HHLA1: variants seen among roughly 807,000 people sequenced by gnomAD.
The protein encoded by HHLA1 is HHLA1 neighbor of OC90.
Under a neutral mutation model 69.9 loss-of-function variants are expected in HHLA1, and 72 were observed. The observed-to-expected ratio is 1.03, with a 90% CI of 0.85 to 1.25. The LOEUF is 1.25. Among genes scored for constraint, HHLA1 ranks in the 50% most tolerant of loss-of-function variants. HHLA1 has a pLI of 0.00. For synonymous variants in HHLA1, 252 were observed against 233.2 expected (o/e 1.08, Z -0.73); for missense variants, 685 against 642.2 (o/e 1.07, Z -0.72).
chr8:132,076,048 T>C lies in HHLA1; in HGVS notation c.1315+7A>G. On this transcript the variant is annotated splice_region_variant and intron_variant, in intron 14 of 16. Coordinates refer to ENST00000414222, the MANE Select transcript of HHLA1 (RefSeq NM_001145095.3). ...AGCAATAGTAATGACTGGGCACTGG[T>C]ACTTACTTGAAACTTGATGGGGTCT... 6.5e-7 allele frequency: 1 copy of C among 1,545,830 alleles called. No homozygotes were observed. Among genetic ancestry groups the C allele is most frequent in the South Asian group, 1.2e-5 (1 of 83,942 alleles).
chr8:132,093,032 T>C (rs1202808286), intron 7 of HHLA1, among the ~76,000 whole-genome samples: 1 of 152,180 alleles, frequency 6.6e-6, no homozygotes, highest in Non-Finnish European at 1.5e-5. Context: ...TTTGGAGTCA[T>C]TTGTTATAGT....
intron 11 of HHLA1, 120 bp from the exon 12 acceptor site, chr8:132,078,091 T>A: frequency 8.2e-6 from 9 of 1,104,012 alleles, no homozygotes; most frequent in Non-Finnish European, 1.2e-5. Context: ...ACGTGTAATA[T>A]AAGTAATCCA....
intron 5 of HHLA1, among the ~76,000 whole-genome samples, chr8:132,097,648 C>G (rs962832591): frequency 1.3e-5 from 2 of 152,170 alleles, no homozygotes; most frequent in Non-Finnish European, 2.9e-5. Context: ...TGCAGCCCAT[C>G]CCTCCATCTG....
intron 16 of HHLA1, 106 bp downstream of exon 16, chr8:132,065,780 T>C: frequency 2.1e-6 from 1 of 473,990 alleles, no homozygotes; most frequent in South Asian, 1.8e-5. Context: ...GAGGACTAGA[T>C]GAGCTACAGC....
In HHLA1 at chr8:132,104,108, C is replaced by T. The variant is rs568378336; in HGVS notation, c.139G>A (p.Val47Met). 2 of 1,549,524 alleles carry T rather than the reference C, an allele frequency of 1.3e-6. No homozygotes were observed. Among genetic ancestry groups the T allele is most frequent in the African/African-American group, 2.7e-5 (2 of 73,008 alleles). ...AAAGGAGCCCTTATCACCCACTTAC[C>T]TGTTGTAGGTAAAAAGGTCATTCCC... ...EKGMTFLPTT[V>M]SGLREEERKE... The change falls in exon 3 of 17, where the codon GTG becomes ATG. Residue 47 changes from valine to methionine, a missense_variant and splice_region_variant. Transcript: ENST00000414222.
chr8:132,099,762 G>A (rs1824084132), intron 4 of HHLA1, among the ~76,000 whole-genome samples: 1 of 152,182 alleles, frequency 6.6e-6, no homozygotes, highest in South Asian at 2.1e-4. Context: ...GCTGAGGCAG[G>A]AGAATCGCTT....
Position 132,087,845 on chromosome 8 carries a change from C to T in HHLA1, c.589G>A (p.Gly197Arg). 6.4e-7 allele frequency: 1 copy of T among 1,551,310 alleles called. No individual in the cohort carries two copies. Among genetic ancestry groups the T allele is most frequent in the East Asian group, 2.4e-5 (1 of 40,914 alleles). Residue 197 changes from glycine to arginine, a missense_variant and splice_region_variant, in exon 9 of 17, where the codon GGA becomes AGA. Physicochemically the swap from Gly to Arg is moderately radical, Grantham distance 125 (BLOSUM62 -2). Transcript: ENST00000414222. ...TGTCAAAGAATGTCTAGTGGTTTACCTGACTTTCCTGTCATCACACAGATG... is the reference window on the plus strand; with the variant it reads ...TGTCAAAGAATGTCTAGTGGTTTACTTGACTTTCCTGTCATCACACAGATG... ...IFICVMTGKS[G>R]RNLSDFWEIE...
chr8:132,068,655 C>A (rs1473120774), intron 15 of HHLA1, among the ~76,000 whole-genome samples: 1 of 152,216 alleles, frequency 6.6e-6, no homozygotes, highest in African/African-American at 2.4e-5. Flanking sequence ...TTACACCAGC[C>A]CCTTGTAGGT....
intron 10 of HHLA1, chr8:132,080,642 A>G (rs1475948404): frequency 1.3e-5 from 2 of 156,262 alleles, no homozygotes; most frequent in African/African-American, 4.8e-5. Context: ...GTATAGGTGC[A>G]AGTCACAGGG....
intron 1 of HHLA1, among the ~76,000 whole-genome samples, chr8:132,105,761 G>T (rs1463144402): frequency 6.6e-6 from 1 of 152,184 alleles, no homozygotes; most frequent in Non-Finnish European, 1.5e-5. Context: ...AATGTAGAGG[G>T]GGATGCATAC....
At chr8:132,064,119 G>A (rs547364219) in intron 16 of HHLA1, 81 bp from the exon 17 acceptor site, 61 of 861,834 alleles carry the variant, frequency 7.1e-5, no homozygotes, top group Admixed American at 3.8e-4. Flanking sequence ...CCCTGATGTC[G>A]CCAACAAGGG....
At chr8:132,095,832 G>A (rs1237095406) in intron 5 of HHLA1, 46 bp from the exon 6 acceptor site, 14 of 1,189,680 alleles carry the variant, frequency 1.2e-5, no homozygotes, top group Admixed American at 7.4e-5. Flanking sequence ...GCCTACTAAC[G>A]TAACAATAAT....
intron 7 of HHLA1, 130 bp downstream of exon 7, chr8:132,095,389 T>G: frequency 1.9e-6 from 1 of 539,176 alleles, no homozygotes; most frequent in South Asian, 3.3e-5. Context: ...GGATAATGAA[T>G]GAGCACATGG....
chr8:132,076,392 A>G, intron 13 of HHLA1, 83 bp downstream of exon 13: 2 of 955,618 alleles, frequency 2.1e-6, no homozygotes, highest in South Asian at 1.6e-5. Context: ...CTGGTACCCC[A>G]TCCCACCACG....
At chr8:132,076,180 G>T (rs964242012) in intron 13 of HHLA1, 51 bp from the exon 14 acceptor site, 12 of 1,266,306 alleles carry the variant, frequency 9.5e-6, no homozygotes, top group Non-Finnish European at 2.2e-6. Flanking sequence ...ATTACCTTAG[G>T]TGATACACAC....
At chr8:132,087,822 T>C (rs1823888180) in intron 9 of HHLA1, 23 bp downstream of exon 9, 4 of 1,549,176 alleles carry the variant, frequency 2.6e-6, no homozygotes, top group Non-Finnish European at 3.5e-6. Flanking sequence ...AGAGAGCTTG[T>C]CAAAGAATGT....
At chr8:132,088,450 A>ATG (rs1176942816) in intron 8 of HHLA1, among the ~76,000 whole-genome samples, 1 of 152,214 alleles carries the variant, frequency 6.6e-6, no homozygotes, top group Non-Finnish European at 1.5e-5. Context: ...ATCAGGTAGG[A>ATG]TGTGCACACT....
intron 3 of HHLA1, 51 bp downstream of exon 3, chr8:132,104,057 G>A (rs1824162152): frequency 5.3e-6 from 7 of 1,319,254 alleles, no homozygotes; most frequent in Non-Finnish European, 7.5e-6. Context: ...GGAAGTCAAG[G>A]AATTTGCCCA....
chr8:132,083,982 G>T (rs1347332776), intron 10 of HHLA1, among the ~76,000 whole-genome samples: 12 of 150,878 alleles, frequency 8.0e-5, no homozygotes, highest in Non-Finnish European at 1.5e-4. Context: ...ACCTTTTAGG[G>T]TCTAGGGCTA....
Sources: allele counts gnomAD v4.1 joint callset (sites outside exome capture counted in the v4.1 genomes callset), GRCh38; gene constraint gnomAD v4.1.1; transcripts MANE v1.5; gene names NCBI Gene and HGNC (gene_info 2026-07-23, HGNC 2026-07-21).